TK2: variants seen among roughly 807,000 people sequenced by gnomAD.
TK2 encodes thymidine kinase 2, mitochondrial.
Under a neutral mutation model 41.9 loss-of-function variants are expected in TK2, and 35 were observed. The observed-to-expected ratio is 0.84, with a 90% confidence interval of 0.64 to 1.11. TK2 has a LOEUF of 1.11. TK2 is among the 50% of genes least tolerant of loss of function. The probability of loss-of-function intolerance (pLI) is 0.00; values close to 1 mark genes in which losing one functional copy is unlikely to be tolerated. For missense variants in TK2, 320 were observed against 351.1 expected, an observed-to-expected ratio of 0.91 and a Z score of 0.71; for synonymous variants, 128 against 129.1, an observed-to-expected ratio of 0.99 and a Z score of 0.06.
At chr16:66,527,227 AG>A (rs915720551) in intron 6 of TK2, among the ~76,000 whole-genome samples, 4 of 152,208 alleles carry the variant, frequency 2.6e-5, no homozygotes, top group African/African-American at 9.6e-5. Context: ...GTCTGAGGCC[AG>A]GGGGCAAAGC....
At chr16:66,512,307 T>C (rs1964474661) in intron 9 of TK2, among the ~76,000 whole-genome samples, 1 of 152,194 alleles carries the variant, frequency 6.6e-6, no homozygotes, top group African/African-American at 2.4e-5. Flanking sequence ...TCATGTCTAT[T>C]ATCCAAGCAC....
In TK2 at chr16:66,517,343, C is replaced by A; in HGVS notation, c.539-128G>T. 1 of 829,652 alleles carries A rather than the reference C, an allele frequency of 1.2e-6. No individual in the cohort carries two copies. The highest frequency in any genetic ancestry group is 2.1e-6 in the Non-Finnish European group (1 of 473,058). The allele number at this position is 829,652 out of a possible 1,614,324, so 51.4% of individuals were successfully genotyped here. A position where few individuals can be genotyped will look rare whatever the true frequency, so the allele number is the denominator to read the frequency against. The stretch of plus-strand genomic sequence containing the variant: ...GGAAGCAGGGAGGGCCAGCTCTTGG[C>A]TTGACCACTGACCCTCCGCCTCGAC... On this transcript the variant is annotated intron_variant, in intron 7 of 9. Coordinates refer to ENST00000544898, the MANE Select transcript of TK2 (RefSeq NM_004614.5). The surrounding 1 kb of genome is among the most constrained non-coding windows in gnomAD (Gnocchi z 4.3).
intron 6 of TK2, among the ~76,000 whole-genome samples, chr16:66,523,760 C>G (rs1447089858): frequency 6.6e-6 from 1 of 152,130 alleles, no homozygotes; most frequent in African/African-American, 2.4e-5. Flanking sequence ...ATCTGGGAAG[C>G]AGAGGTTGCA....
At chr16:66,512,143 A>T in intron 9 of TK2, 77 bp from the exon 10 acceptor site, 1 of 1,332,348 alleles carries the variant, frequency 7.5e-7, no homozygotes, top group Non-Finnish European at 1.1e-6. Context: ...AGACAGACAG[A>T]TGGAAGCAGG....
intron 1 of TK2, 47 bp from the exon 2 acceptor site, chr16:66,549,056 C>G (rs777668364): frequency 1.2e-6 from 2 of 1,611,300 alleles, no homozygotes; most frequent in Non-Finnish European, 8.5e-7. Flanking sequence ...TTAAATAACT[C>G]TCCTCTGCCC....
In TK2 at chr16:66,549,980, C is replaced by A; in HGVS notation, c.82G>T (p.Gly28Cys). ...GPGSRGSPAS[G>C]PGPRRVQRRA... ...CGCTGCACCCTCCGCGGCCCGGGGCCTGAGGCCGGGCTCCCGCGACTTCCC... is the reference window on the plus strand; with the variant it reads ...CGCTGCACCCTCCGCGGCCCGGGGCATGAGGCCGGGCTCCCGCGACTTCCC... Residue 28 changes from glycine (G) to cysteine (C), a missense_variant, in exon 1 of 10, where the codon GGC (glycine) becomes TGC (cysteine). Gly to Cys is a radical substitution (Grantham distance 159). Transcript: ENST00000544898. 2 of 1,502,984 alleles carry A rather than the reference C, an allele frequency of 1.3e-6. No individual in the cohort carries two copies. Among genetic ancestry groups the A allele is most frequent in the Non-Finnish European group, 1.8e-6 (2 of 1,133,302 alleles). 93.1% of individuals were successfully genotyped at this position (1,502,984 alleles called of 1,614,324 possible).
At chr16:66,513,137 G>C (rs1964501084) in intron 9 of TK2, among the ~76,000 whole-genome samples, 1 of 152,222 alleles carries the variant, frequency 6.6e-6, no homozygotes, top group South Asian at 2.1e-4. Context: ...GGAAAACAAG[G>C]AGATGGGGAA....
intron 4 of TK2, among the ~76,000 whole-genome samples, chr16:66,534,076 G>A (rs1469902791): frequency 2.7e-5 from 4 of 150,138 alleles, no homozygotes; most frequent in Non-Finnish European, 4.4e-5. Flanking sequence ...ATCTATTCAC[G>A]GATTAATAGA....
At chr16:66,537,115 G>A in intron 3 of TK2, 98 bp from the exon 4 acceptor site, 1 of 1,541,106 alleles carries the variant, frequency 6.5e-7, no homozygotes, top group Non-Finnish European at 8.9e-7. Context: ...AAGGGAAAAA[G>A]AGAGAAAAAG....
Position 66,510,341 on chromosome 16 carries a change from G to A in TK2, c.*1627C>T, listed in dbSNP as rs1157322169. ...ACAGACCCCACATGTCAAGATTCCTGGTAGCAAAGGTTCTGCCTTCGCCAG... is the reference window on the plus strand; with the variant it reads ...ACAGACCCCACATGTCAAGATTCCTAGTAGCAAAGGTTCTGCCTTCGCCAG... On this transcript the variant is annotated 3_prime_UTR_variant, in exon 10 of 10. Coordinates refer to ENST00000544898, the MANE Select transcript of TK2 (RefSeq NM_004614.5). The A allele has an allele frequency of 2.0e-5, 3 of 152,174 alleles. No homozygotes were observed. The highest frequency in any genetic ancestry group is 2.0e-4 in the Admixed American group (3 of 15,270). 9.4% of individuals were successfully genotyped at this position (152,174 alleles called of 1,614,324 possible).
intron 6 of TK2, among the ~76,000 whole-genome samples, chr16:66,524,679 C>G (rs1964878139): frequency 6.6e-6 from 1 of 152,146 alleles, no homozygotes; most frequent in Non-Finnish European, 1.5e-5. Context: ...AAAGTGTGAT[C>G]CCCGACCAGT....
intron 2 of TK2, among the ~76,000 whole-genome samples, chr16:66,544,659 T>C (rs966155747): frequency 1.3e-5 from 2 of 152,242 alleles, no homozygotes; most frequent in African/African-American, 4.8e-5. Context: ...TATCTCCATT[T>C]TCCTCTGCTA....
intron 1 of TK2, 43 bp downstream of exon 1, chr16:66,549,895 G>A (rs369430418): frequency 2.4e-5 from 32 of 1,331,100 alleles, no homozygotes; most frequent in Middle Eastern, 2.8e-4. Flanking sequence ...GAGTAGGTGG[G>A]CGCATAGGGG....
Position 66,517,937 on chromosome 16 carries a change from C to A in TK2, c.450-60G>T. ...GAGAAAACTTCTGGGCTATGCAATT[C>A]CCCCAAAAGGATCTTGAGACGGCTC... On this transcript the variant is annotated intron_variant, in intron 6 of 9. Transcript: ENST00000544898. This position sits in a 1 kb window ranked among gnomAD's most constrained non-coding sequence, Gnocchi z 4.3. The A allele has an allele frequency of 1.4e-6, 2 of 1,398,740 alleles. No individual in the cohort carries two copies. The highest frequency in any genetic ancestry group is 2.0e-6 in the Non-Finnish European group (2 of 983,860). 86.6% of individuals were successfully genotyped at this position (1,398,740 alleles called of 1,614,324 possible). A position where few individuals can be genotyped will look rare whatever the true frequency, so the allele number is the denominator to read the frequency against.
intron 3 of TK2, 124 bp downstream of exon 3, chr16:66,541,755 T>C: frequency 1.0e-6 from 1 of 974,898 alleles, no homozygotes; most frequent in Non-Finnish European, 1.6e-6. Flanking sequence ...AATGTTAAAT[T>C]ACACCTGTGG....
chr16:66,535,785 A>G (rs921866545), intron 4 of TK2, among the ~76,000 whole-genome samples: 1 of 152,264 alleles, frequency 6.6e-6, no homozygotes, highest in East Asian at 1.9e-4. Flanking sequence ...ACAAGCCCCT[A>G]CTAAGTGCTA....
chr16:66,549,107 C>A, intron 1 of TK2, 98 bp from the exon 2 acceptor site: 2 of 1,589,496 alleles, frequency 1.3e-6, no homozygotes, highest in South Asian at 1.1e-5. Context: ...TGTTTATGCT[C>A]ACTCCCTGGC....
intron 5 of TK2, among the ~76,000 whole-genome samples, chr16:66,529,434 T>C (rs1045193716): frequency 6.6e-6 from 1 of 152,244 alleles, no homozygotes; most frequent in African/African-American, 2.4e-5. Flanking sequence ...TGAGGCAACA[T>C]GTGGTGACTA....
At chr16:66,537,042 C>G in intron 3 of TK2, 25 bp from the exon 4 acceptor site, 1 of 1,613,744 alleles carries the variant, frequency 6.2e-7, no homozygotes, top group Non-Finnish European at 8.5e-7. Flanking sequence ...AACATCAGAG[C>G]TACTGTTTCT....
Sources: allele counts gnomAD v4.1 joint callset (sites outside exome capture counted in the v4.1 genomes callset), GRCh38; gene constraint gnomAD v4.1.1; non-coding constraint Gnocchi (gnomAD v3.1); transcripts MANE v1.5; gene names NCBI Gene and HGNC (gene_info 2026-07-23, HGNC 2026-07-21).